ZCCHC24: variants seen among roughly 807,000 people sequenced by gnomAD.
ZCCHC24 encodes the protein zinc finger CCHC-type containing 24.
ZCCHC24 carries 10 observed loss-of-function variants against 26.2 expected under a neutral mutation model. The ratio of observed to expected loss-of-function variants is 0.38; its 90% CI spans 0.24 to 0.65. ZCCHC24 has a LOEUF of 0.65. Among genes scored for constraint, ZCCHC24 ranks in the 30% least tolerant of loss-of-function variants. The probability of loss-of-function intolerance (pLI) is 0.54; values close to 1 mark genes in which losing one functional copy is unlikely to be tolerated. For synonymous variants in ZCCHC24, 144 were observed against 147.1 expected, an observed-to-expected ratio of 0.98 and a Z score of 0.15; for missense variants, 243 against 329.1, an observed-to-expected ratio of 0.74 and a Z score of 2.03.
intron 2 of ZCCHC24, 64 bp from the exon 3 acceptor site, chr10:79,394,504 T>C: frequency 6.3e-7 from 1 of 1,574,846 alleles, no homozygotes; most frequent in Non-Finnish European, 8.6e-7. Context: ...CCCCACAGGG[T>C]TCCCCTGGCC....
chr10:79,424,031 A>AAAAAG (rs1564638437), intron 2 of ZCCHC24, among the ~76,000 whole-genome samples: 2 of 149,256 alleles, frequency 1.3e-5, no homozygotes, highest in Admixed American at 6.6e-5. Context: ...AAAAAAAAAA[A>AAAAAG]AAAAGAAAAG....
At chr10:79,400,618 C>G (rs942939969) in intron 2 of ZCCHC24, among the ~76,000 whole-genome samples, 3 of 152,198 alleles carry the variant, frequency 2.0e-5, no homozygotes, top group Non-Finnish European at 2.9e-5. Context: ...AAGATGGTAG[C>G]CAGCCCACTC....
chr10:79,436,156 A>G (rs980392874), intron 1 of ZCCHC24, among the ~76,000 whole-genome samples: 3 of 151,972 alleles, frequency 2.0e-5, no homozygotes, highest in African/African-American at 7.3e-5. Context: ...GTGGCCCTAA[A>G]AGCCTTCATC....
At position 79,423,893 on chromosome 10, in the gene ZCCHC24, C is replaced by T. The variant is rs371262782; in HGVS notation, c.447+8665G>A. Among the ~76,000 whole-genome samples the T allele has an allele frequency of 3.4e-3, 512 of 151,362 alleles. 3 individuals are homozygous for T. The highest frequency in any genetic ancestry group is 0.012 in the African/African-American group (485 of 41,234). On this transcript the variant is annotated intron_variant, in intron 2 of 3. Coordinates refer to ENST00000372336, the MANE Select transcript of ZCCHC24 (RefSeq NM_153367.4). ...ATCAGTCAGGCGTGGTGGCAGGCAC[C>T]TGTAATCCCAGCTACTCTGGAGGCT...
intron 2 of ZCCHC24, among the ~76,000 whole-genome samples, chr10:79,413,690 A>G (rs1259802489): frequency 1.3e-5 from 2 of 152,128 alleles, no homozygotes; most frequent in African/African-American, 4.8e-5. Context: ...TGCCAGCTCT[A>G]TCAGGCATGT....
chr10:79,417,760 G>A (rs534355319), intron 2 of ZCCHC24, among the ~76,000 whole-genome samples: 4 of 152,228 alleles, frequency 2.6e-5, no homozygotes, highest in Non-Finnish European at 5.9e-5. Context: ...AAGGCCTGAT[G>A]TCCTCGGGCT....
intron 2 of ZCCHC24, among the ~76,000 whole-genome samples, chr10:79,398,010 G>A (rs1175206086): frequency 6.6e-6 from 1 of 152,258 alleles, no homozygotes; most frequent in African/African-American, 2.4e-5. Context: ...GAGCCAGGAA[G>A]CACAGACGCA....
intron 2 of ZCCHC24, among the ~76,000 whole-genome samples, chr10:79,412,377 G>A (rs114555519): frequency 0.074 from 11,230 of 152,298 alleles, 503 homozygotes; most frequent in African/African-American, 0.11. Flanking sequence ...CAGGTGCATC[G>A]GTGAGGGGCG....
chr10:79,438,304 C>T (rs1239621547), intron 1 of ZCCHC24, among the ~76,000 whole-genome samples: 2 of 152,190 alleles, frequency 1.3e-5, no homozygotes, highest in Non-Finnish European at 2.9e-5. Flanking sequence ...ACCCTGCTCC[C>T]AAGGGGATCT....
intron 2 of ZCCHC24, among the ~76,000 whole-genome samples, chr10:79,405,203 C>T (rs954374735): frequency 6.6e-6 from 1 of 152,128 alleles, no homozygotes; most frequent in Admixed American, 6.5e-5. Context: ...CTGACCCAAC[C>T]TCCAGCTTGC....
chr10:79,437,294 C>A (rs1033982176), intron 1 of ZCCHC24, among the ~76,000 whole-genome samples: 1 of 152,186 alleles, frequency 6.6e-6, no homozygotes, highest in Admixed American at 6.5e-5. Flanking sequence ...CTCAAGGGAT[C>A]TGCCTGCCTC....
Position 79,445,357 on chromosome 10 carries a change from C to A in ZCCHC24, c.84G>T (p.Leu28=). 1 of 1,538,588 alleles carries A rather than the reference C, an allele frequency of 6.5e-7. No individual in the cohort carries two copies. The highest frequency in any genetic ancestry group is 8.7e-7 in the Non-Finnish European group (1 of 1,145,400). ...AGGCGCTAGCCTGGTGCGTGTCCTGCAGCGACAGGTAGACCCAGTTGAGCA... is the reference window on the plus strand; with the variant it reads ...AGGCGCTAGCCTGGTGCGTGTCCTGAAGCGACAGGTAGACCCAGTTGAGCA... ...AQLLNWVYLS[L]QDTHQASAFD... Residue 28 remains leucine (L), a synonymous_variant, in exon 1 of 4, where the codon CTG becomes CTT. Coordinates refer to ENST00000372336, the MANE Select transcript of ZCCHC24 (RefSeq NM_153367.4).
chr10:79,389,322 G>A (rs1856439667), intron 3 of ZCCHC24, among the ~76,000 whole-genome samples: 1 of 152,224 alleles, frequency 6.6e-6, no homozygotes, highest in Admixed American at 6.5e-5. Context: ...TTGTTTTGAA[G>A]ACTGTTCTGG....
chr10:79,407,280 G>T (rs1485568932), intron 2 of ZCCHC24, among the ~76,000 whole-genome samples: 4 of 152,176 alleles, frequency 2.6e-5, no homozygotes, highest in Non-Finnish European at 5.9e-5. Flanking sequence ...TGGGAGCCAG[G>T]CTGACTGTTG....
In ZCCHC24 at chr10:79,428,738, A is replaced by C. The variant is rs149374419; in HGVS notation, c.447+3820T>G. Among the ~76,000 whole-genome samples the C allele has an allele frequency of 6.0e-3, 912 of 152,322 alleles. 7 individuals carry two copies. The highest frequency in any genetic ancestry group is 0.018 in the African/African-American group (757 of 41,578). ...AAATAATTGACAAAACTTTAGGTAGATTAAACAAGAAGAAAGAGAGGACTC... is the reference window on the plus strand; with the variant it reads ...AAATAATTGACAAAACTTTAGGTAGCTTAAACAAGAAGAAAGAGAGGACTC... On this transcript the variant is annotated intron_variant, in intron 2 of 3. Coordinates refer to ENST00000372336, the MANE Select transcript of ZCCHC24 (RefSeq NM_153367.4).
At chr10:79,419,038 T>C (rs1856904394) in intron 2 of ZCCHC24, among the ~76,000 whole-genome samples, 2 of 152,220 alleles carry the variant, frequency 1.3e-5, no homozygotes, top group Admixed American at 1.3e-4. Context: ...CACGTTTGCA[T>C]GTGTGCACAT....
chr10:79,436,196 T>C (rs1440499737), intron 1 of ZCCHC24, among the ~76,000 whole-genome samples: 4 of 152,150 alleles, frequency 2.6e-5, no homozygotes, highest in African/African-American at 7.2e-5. Flanking sequence ...CCTCTCACCA[T>C]GCCCACCGCG....
intron 2 of ZCCHC24, among the ~76,000 whole-genome samples, chr10:79,432,317 C>T (rs1414011029): frequency 6.6e-6 from 1 of 152,226 alleles, no homozygotes; most frequent in Non-Finnish European, 1.5e-5. Flanking sequence ...GTCCAAAAAT[C>T]CCCCACCCAG....
rs200553761 is a variant in ZCCHC24 at position 79,386,296 on chromosome 10, G to A, written c.*49C>T. The A allele has an allele frequency of 1.0e-4, 161 of 1,558,278 alleles. No homozygotes were observed. The highest frequency in any genetic ancestry group is 1.7e-4 in the Middle Eastern group (1 of 5,954). On this transcript the variant is annotated 3_prime_UTR_variant, in exon 4 of 4. Transcript: ENST00000372336. ...CCTCGGAGTAGCACAGGGAAGCAGC[G>A]TCTCCTCGGGCTGGCGGGGGGTGGC...
Sources: gnomAD v4.1 joint callset for allele counts (sites outside exome capture counted in the v4.1 genomes callset) on GRCh38, gnomAD v4.1.1 for gene constraint, MANE v1.5 for transcripts, NCBI Gene and HGNC (gene_info 2026-07-23, HGNC 2026-07-21) for gene names.